Variants in SH3D19 observed in about 807,000 individuals in gnomAD.
SH3D19 encodes the protein SH3 domain containing 19, also known as SH3 domain-containing protein 19.
A neutral mutation model predicts 112.1 loss-of-function variants in SH3D19; 58 were observed. The observed-to-expected ratio is 0.52, with a 90% CI of 0.42 to 0.64. The LOEUF is 0.64. Ranked by LOEUF, SH3D19 falls within the 30% of genes least tolerant of loss-of-function variation. SH3D19 has a pLI of 0.00. For synonymous variants in SH3D19, 391 were observed against 448.5 expected, an observed-to-expected ratio of 0.87 and a Z score of 1.62; for missense variants, 1,090 against 1,263.4, an observed-to-expected ratio of 0.86 and a Z score of 2.08.
chr4:151,194,373 A>AT (rs1222050665), intron 2 of SH3D19, among the ~76,000 whole-genome samples: 4 of 151,742 alleles, frequency 2.6e-5, no homozygotes, highest in Non-Finnish European at 5.9e-5. Flanking sequence ...GGTAAAAGGC[A>AT]TAAAAAGGAT....
intron 2 of SH3D19, among the ~76,000 whole-genome samples, chr4:151,214,986 C>T (rs1441985669): frequency 2.0e-5 from 3 of 148,636 alleles, no homozygotes; most frequent in Non-Finnish European, 4.5e-5. Context: ...TCCTCACCTC[C>T]CAGACGGGGT....
At chr4:151,167,680 GC>G (rs1407461238) in intron 7 of SH3D19, among the ~76,000 whole-genome samples, 22 of 152,126 alleles carry the variant, frequency 1.4e-4, no homozygotes, top group Non-Finnish European at 3.1e-4. Flanking sequence ...GAGTGTCTCT[GC>G]CCGACCGCCG....
Position 151,174,801 on chromosome 4 carries a change from G to T in SH3D19, c.1403C>A (p.Ala468Asp). The T allele has an allele frequency of 6.4e-7, 1 of 1,561,610 alleles. No homozygotes were observed. ...AYKSLGEGPP[A>D]NPPVPVLQSK... is the part of the protein sequence containing the mutation. ...CTGCAGAACTGGAACTGGGGGGTTGGCTGGGGGCCCTTCTCCCAGTGACTT... is the reference window on the plus strand; with the variant it reads ...CTGCAGAACTGGAACTGGGGGGTTGTCTGGGGGCCCTTCTCCCAGTGACTT... Residue 468 changes from alanine (A) to aspartate (D), a missense_variant, in exon 7 of 20, where the codon GCC (alanine) becomes GAC (aspartate). By Grantham distance (126) the Ala-to-Asp change is moderately radical (BLOSUM62 -2). Transcript: ENST00000604030.
chr4:151,308,019 C>T (rs1310318554), intron 1 of SH3D19, among the ~76,000 whole-genome samples: 1 of 152,168 alleles, frequency 6.6e-6, no homozygotes, highest in African/African-American at 2.4e-5. Flanking sequence ...GATTTTCCTG[C>T]CTCAGCCTCC....
chr4:151,139,723 A>T (rs1298862460), intron 13 of SH3D19, 52 bp downstream of exon 13: 1 of 1,546,030 alleles, frequency 6.5e-7, no homozygotes, highest in East Asian at 2.2e-5. Flanking sequence ...GCAGGGAAAA[A>T]GACTTACTCC....
At chr4:151,282,247 TC>T (rs1774314781) in intron 1 of SH3D19, 1 of 1,613,826 alleles carries the variant, frequency 6.2e-7, no homozygotes, top group African/African-American at 1.3e-5. Flanking sequence ...TCGTCATCCA[TC>T]CCAAGTACCA....
At chr4:151,277,315 G>A in intron 1 of SH3D19, 1 of 1,058,458 alleles carries the variant, frequency 9.4e-7, no homozygotes, top group Non-Finnish European at 1.3e-6. Context: ...TCACCCATGG[G>A]ATGTTAGTTA....
intron 1 of SH3D19, among the ~76,000 whole-genome samples, chr4:151,275,220 G>A (rs1773502400): frequency 6.6e-6 from 1 of 151,880 alleles, no homozygotes; most frequent in South Asian, 2.1e-4. Flanking sequence ...CCAAGTGGCT[G>A]GGACTACAGG....
intron 19 of SH3D19, among the ~76,000 whole-genome samples, chr4:151,123,890 T>C (rs1164175465): frequency 6.6e-6 from 1 of 152,112 alleles, no homozygotes; most frequent in Non-Finnish European, 1.5e-5. Flanking sequence ...AATGGCTTGA[T>C]TTAAGGCTTT....
intron 7 of SH3D19, among the ~76,000 whole-genome samples, chr4:151,168,372 C>T (rs867355937): frequency 4.0e-5 from 6 of 150,866 alleles, no homozygotes; most frequent in East Asian, 2.0e-4. Flanking sequence ...TAATCATTCA[C>T]GGTGTCTTAT....
chr4:151,280,814 A>G (rs540598687), intron 1 of SH3D19, among the ~76,000 whole-genome samples: 1 of 152,294 alleles, frequency 6.6e-6, no homozygotes, highest in East Asian at 1.9e-4. Flanking sequence ...AGTTTAAAAA[A>G]AAACTCAAAG....
chr4:151,292,760 G>A (rs1449603490), intron 1 of SH3D19, among the ~76,000 whole-genome samples: 4 of 152,078 alleles, frequency 2.6e-5, no homozygotes, highest in African/African-American at 9.7e-5. Context: ...TCTTTTACAA[G>A]ATACGGATCC....
intron 2 of SH3D19, among the ~76,000 whole-genome samples, chr4:151,223,751 T>C (rs1768487628): frequency 6.6e-6 from 1 of 152,222 alleles, no homozygotes; most frequent in African/African-American, 2.4e-5. Flanking sequence ...TACTCTTTTT[T>C]TTCATCTTCC....
At chr4:151,233,913 G>A (rs1347372464) in intron 1 of SH3D19, among the ~76,000 whole-genome samples, 1 of 152,178 alleles carries the variant, frequency 6.6e-6, no homozygotes, top group Non-Finnish European at 1.5e-5. Context: ...TTCACAGTCA[G>A]TACTCTGTAA....
At chr4:151,160,087 C>A (rs200614373) in intron 8 of SH3D19, among the ~76,000 whole-genome samples, 7 of 137,542 alleles carry the variant, frequency 5.1e-5, no homozygotes, top group African/African-American at 1.3e-4. Flanking sequence ...TGTTTTATTT[C>A]TTTTTTTTTT....
chr4:151,226,250 G>A (rs1305384934), intron 1 of SH3D19, 164 bp from the exon 2 acceptor site: 1 of 1,222,260 alleles, frequency 8.2e-7, no homozygotes, highest in Non-Finnish European at 1.0e-6. Flanking sequence ...CCTGACAGAG[G>A]CAGAAAAGAC....
chr4:151,198,317 A>AAAT (rs1554051490), intron 2 of SH3D19, among the ~76,000 whole-genome samples: 1 of 139,440 alleles, frequency 7.2e-6, no homozygotes, highest in Non-Finnish European at 1.5e-5. Flanking sequence ...AAAAAAAAAA[A>AAAT]ATATATATAT....
intron 10 of SH3D19, among the ~76,000 whole-genome samples, chr4:151,148,425 C>T (rs1754334953): frequency 1.3e-5 from 2 of 152,128 alleles, no homozygotes; most frequent in African/African-American, 4.8e-5. Context: ...TCTTATCTTG[C>T]GCTAGAGATT....
chr4:151,208,967 A>G (rs1001233971), intron 2 of SH3D19, among the ~76,000 whole-genome samples: 7 of 151,862 alleles, frequency 4.6e-5, no homozygotes, highest in African/African-American at 9.7e-5. Context: ...TTGAGCCACC[A>G]TGCCCGGCCA....
Sources: gnomAD v4.1 joint callset for allele counts (sites outside exome capture counted in the v4.1 genomes callset) on GRCh38, gnomAD v4.1.1 for gene constraint, MANE v1.5 for transcripts, NCBI Gene and HGNC (gene_info 2026-07-23, HGNC 2026-07-21) for gene names.